The following NEB variants were observed in gnomAD, a reference collection of about 807,000 sequenced individuals.
The protein encoded by NEB is nemaline myopathy type 2.
In NEB, 512 loss-of-function variants were observed where a neutral mutation model predicts 952.2. The observed-to-expected ratio is 0.54, with a 90% CI of 0.50 to 0.58. The LOEUF (loss-of-function observed/expected upper bound fraction) is 0.58. Among genes scored for constraint, NEB ranks in the 20% least tolerant of loss-of-function variants. NEB has a pLI of 0.00. For synonymous variants in NEB, 2,900 were observed against 3,149.8 expected (o/e 0.92, Z 2.66); for missense variants, 8,428 against 9,231.1 (o/e 0.91, Z 3.56).
intron 5 of NEB, 28 bp downstream of exon 5, chr2:151,727,663 A>G: frequency 6.3e-7 from 1 of 1,587,938 alleles, no homozygotes. Context: ...TAATCAAGCC[A>G]GGTTAGCAGA....
chr2:151,532,089 A>C (rs990794165), intron 143 of NEB, 193 bp from the exon 144 acceptor site: 10 of 483,462 alleles, frequency 2.1e-5, no homozygotes, highest in Admixed American at 1.9e-4. Context: ...ACTACTACTA[A>C]TAATTTCCTT....
intron 168 of NEB, among the ~76,000 whole-genome samples, chr2:151,499,933 A>G (rs557466986): frequency 3.3e-5 from 5 of 152,312 alleles, no homozygotes; most frequent in South Asian, 2.1e-4. Flanking sequence ...CCTAAATGCA[A>G]TCTGTGTAAA....
chr2:151,501,618 T>G (rs1269341969), intron 167 of NEB, 135 bp from the exon 168 acceptor site: 4 of 476,950 alleles, frequency 8.4e-6, no homozygotes, highest in Non-Finnish European at 1.5e-5. Context: ...CTTTTAAAAA[T>G]AGAGTTAACT....
intron 173 of NEB, among the ~76,000 whole-genome samples, chr2:151,494,679 T>C (rs986375828): frequency 3.3e-5 from 5 of 152,186 alleles, no homozygotes; most frequent in Non-Finnish European, 7.4e-5. Flanking sequence ...AGAGGAGTCT[T>C]GCTCTGTCAC....
chr2:151,492,004 C>T (rs1482820707), intron 178 of NEB, 94 bp downstream of exon 178: 1 of 1,322,168 alleles, frequency 7.6e-7, no homozygotes. Context: ...AGATTGAAGT[C>T]CTTTATGTTT....
At chr2:151,565,635 G>T (rs1175857167) in intron 115 of NEB, 30 bp from the exon 116 acceptor site, 10 of 1,562,016 alleles carry the variant, frequency 6.4e-6, no homozygotes, top group South Asian at 1.1e-5. Context: ...ATTAAGACAG[G>T]TCTACCACCA....
intron 74 of NEB, 124 bp from the exon 75 acceptor site, chr2:151,617,592 A>T: frequency 1.7e-6 from 1 of 573,530 alleles, no homozygotes; most frequent in South Asian, 3.4e-5. Context: ...AAATTATTAA[A>T]GCTGCATAAA....
At chr2:151,579,224 GATAAA>G (rs2097039194) in intron 105 of NEB, 109 bp downstream of exon 105, 1 of 697,974 alleles carries the variant, frequency 1.4e-6, no homozygotes, top group African/African-American at 1.7e-5. Flanking sequence ...TAATAATTCT[GATAAA>G]ATAATAATAA....
At chr2:151,619,293 C>T (rs2098323133) in intron 73 of NEB, among the ~76,000 whole-genome samples, 158 bp downstream of exon 73, 1 of 152,192 alleles carries the variant, frequency 6.6e-6, no homozygotes, top group African/African-American at 2.4e-5. Flanking sequence ...GAGAAGAAAA[C>T]AAATTGTAGT....
At chr2:151,490,903 TTC>T (rs1411815767) in intron 179 of NEB, among the ~76,000 whole-genome samples, 1 of 152,240 alleles carries the variant, frequency 6.6e-6, no homozygotes, top group Admixed American at 6.5e-5. Flanking sequence ...TTTAGAGTCT[TTC>T]TCTGTGTTCC....
intron 2 of NEB, 92 bp downstream of exon 2, chr2:151,733,620 G>C (rs1399609092): frequency 1.3e-5 from 2 of 154,900 alleles, no homozygotes; most frequent in African/African-American, 4.8e-5. Flanking sequence ...TTTCCATACT[G>C]CCCTGATCCA....
At position 151,651,797 on chromosome 2, in the gene NEB, A is replaced by T. The variant is rs75995378; in HGVS notation, c.6916-912T>A. Among the ~76,000 whole-genome samples the T allele has an allele frequency of 4.2e-3, 635 of 152,332 alleles. 16 individuals are homozygous for T. The East Asian group carries it at 0.072, about 17-fold the overall frequency. The stretch of plus-strand genomic sequence containing the variant: ...AGCTTCATTATTACATATATAAAAT[A>T]TTCAGGAGTTTAAGTGGACTTTAAC... On this transcript the variant is annotated intron_variant, in intron 52 of 181. Transcript: ENST00000397345.
intron 138 of NEB, among the ~76,000 whole-genome samples, chr2:151,538,463 A>G (rs908971615): frequency 4.6e-5 from 7 of 152,222 alleles, no homozygotes; most frequent in African/African-American, 7.2e-5. Context: ...TAATGTATCA[A>G]TCTTGGTTCA....
rs565924213 is a variant in NEB, at chr2:151,631,227, C to A, written c.9534G>T (p.Gln3178His). The part of the protein sequence containing the change: ...TEILSDNIYR[Q>H]PPDKLKFTSV... ...TGGTAAATTTCAGCTTGTCCGGAGG[C>A]TGGCGGTAGATGTTATCACTCAGTA... The change falls in exon 66 of 182, where the codon CAG (glutamine) becomes CAT (histidine). Residue 3178 changes from glutamine (Q) to histidine (H), a missense_variant. By Grantham distance (24) the Gln-to-His change is conservative (BLOSUM62 0). Coordinates refer to ENST00000397345, the MANE Select transcript of NEB (RefSeq NM_001164508.2). The A allele has an allele frequency of 6.2e-7, 1 of 1,613,826 alleles. No homozygotes were observed.
chr2:151,506,805 G>C (rs2069387458), intron 163 of NEB, 104 bp downstream of exon 163: 1 of 759,398 alleles, frequency 1.3e-6, no homozygotes, highest in East Asian at 2.6e-5. Context: ...TTACTGAGGA[G>C]GTTAGATGTT....
At chr2:151,693,665 G>A (rs183019145) in intron 20 of NEB, among the ~76,000 whole-genome samples, 9 of 152,006 alleles carry the variant, frequency 5.9e-5, no homozygotes, top group African/African-American at 1.4e-4. Context: ...ACAATCTATC[G>A]TTGTTGATTC....
chr2:151,692,592 T>G (rs1234083899), intron 20 of NEB: 1 of 556,422 alleles, frequency 1.8e-6, no homozygotes, highest in African/African-American at 1.9e-5. Flanking sequence ...CCTAATATTT[T>G]TTCAGACTGA....
chr2:151,533,340 C>T, intron 143 of NEB, 102 bp downstream of exon 143: 1 of 750,496 alleles, frequency 1.3e-6, no homozygotes, highest in South Asian at 1.8e-5. Context: ...CATATGAAGC[C>T]AGCATGGGCA....
Position 151,629,529 on chromosome 2 carries a change from T to G in NEB, c.9831+10A>C. The G allele has an allele frequency of 6.3e-7, 1 of 1,596,794 alleles. No individual in the cohort carries two copies. Among genetic ancestry groups the G allele is most frequent in the Non-Finnish European group, 8.6e-7 (1 of 1,164,440 alleles). Reference sequence around the variant, plus strand: ...CCATCCATGTAAATATCTAGGGTGTTGCTACTCACATCACTGATAACGTCC... The same window carrying G: ...CCATCCATGTAAATATCTAGGGTGTGGCTACTCACATCACTGATAACGTCC... On this transcript the variant is annotated intron_variant, in intron 68 of 181. Transcript: ENST00000397345.
Sources: allele counts gnomAD v4.1 joint callset (sites outside exome capture counted in the v4.1 genomes callset), GRCh38; gene constraint gnomAD v4.1.1; transcripts MANE v1.5; gene names NCBI Gene and HGNC (gene_info 2026-07-23, HGNC 2026-07-21).